The following OR2L13 variants were observed in gnomAD, a reference collection of about 807,000 sequenced individuals.
OR2L13 encodes olfactory receptor family 2 subfamily L member 13, also known as olfactory receptor 2L13.
Under a neutral mutation model 15.3 loss-of-function variants are expected in OR2L13, and 14 were observed. The ratio of observed to expected loss-of-function variants is 0.91; its 90% CI spans 0.60 to 1.43. OR2L13 has a LOEUF of 1.43. OR2L13 is among the 40% of genes most tolerant of loss of function. OR2L13 has a pLI of 0.00. For synonymous variants in OR2L13, 152 were observed against 142.9 expected (o/e 1.06, Z -0.45); for missense variants, 367 against 387.9 (o/e 0.95, Z 0.45).
At chr1:248,022,762 T>A in the OR2L13 span, 13 of 1,613,926 alleles carry the variant, frequency 8.1e-6, no homozygotes, top group Non-Finnish European at 1.1e-5. Flanking sequence ...GAGGACAAGG[T>A]TCTGGCTGTT....
chr1:248,014,923 A>C, the OR2L13 span, among the ~76,000 whole-genome samples: 1 of 152,206 alleles, frequency 6.6e-6, no homozygotes, highest in African/African-American at 2.4e-5. Context: ...AGTGAAGCAG[A>C]CTAAGCACAT....
chr1:247,975,286 G>A, the OR2L13 span: 411,014 of 453,394 alleles, frequency 0.91, 189,029 homozygotes, highest in South Asian at 0.98. Context: ...TCTGGCCTTC[G>A]TGGACACCTG....
chr1:247,991,210 T>C, the OR2L13 span: 6 of 1,550,502 alleles, frequency 3.9e-6, 1 homozygote, highest in African/African-American at 8.3e-5. Flanking sequence ...AATATAGACA[T>C]ACGTTCTGCC....
the OR2L13 span, among the ~76,000 whole-genome samples, chr1:247,956,188 T>G: frequency 0.79 from 117,019 of 147,584 alleles, 50,471 homozygotes; most frequent in South Asian, 0.95. Flanking sequence ...CAGCACCATT[T>G]ATTAAATAGG....
the OR2L13 span, chr1:248,038,420 C>T: frequency 1.2e-6 from 2 of 1,613,730 alleles, no homozygotes; most frequent in Non-Finnish European, 8.5e-7. Context: ...TCTTTTTGGA[C>T]ATCCATCTCC....
At chr1:247,967,045 C>CCACACACACACACACACACACACACACA in the OR2L13 span, among the ~76,000 whole-genome samples, 1,753 of 147,470 alleles carry the variant, frequency 0.012, 20 homozygotes, top group Middle Eastern at 0.052. Flanking sequence ...ACACCACACA[C>CCACACACACACACACACACACACACACA]CACACACACA....
chr1:248,088,565 G>T, the OR2L13 span, among the ~76,000 whole-genome samples: 1 of 152,082 alleles, frequency 6.6e-6, no homozygotes, highest in Non-Finnish European at 1.5e-5. Context: ...CATGTTCATT[G>T]ATGTCATTAT....
chr1:248,045,328 A>G, the OR2L13 span, among the ~76,000 whole-genome samples: 1 of 152,180 alleles, frequency 6.6e-6, no homozygotes, highest in African/African-American at 2.4e-5. Flanking sequence ...TACTGTAGAT[A>G]TGTGAAATAG....
chr1:248,099,304 G>T (rs1357572197), intron 2 of OR2L13, 54 bp from the exon 3 acceptor site: 7 of 1,019,992 alleles, frequency 6.9e-6, no homozygotes, highest in Admixed American at 6.6e-5. Context: ...TTTTTCTATT[G>T]TGTTTTATTT....
At chr1:248,011,991 A>G in the OR2L13 span, among the ~76,000 whole-genome samples, 11 of 152,290 alleles carry the variant, frequency 7.2e-5, no homozygotes, top group African/African-American at 2.2e-4. Context: ...TTTAATATCT[A>G]TGTGATTTAA....
At chr1:247,986,894 T>C in the OR2L13 span, among the ~76,000 whole-genome samples, 120 of 152,294 alleles carry the variant, frequency 7.9e-4, 1 homozygote, top group South Asian at 2.5e-3. Flanking sequence ...TTGGATATTA[T>C]TGACATCTTA....
At chr1:248,075,366 C>A in the OR2L13 span, among the ~76,000 whole-genome samples, 1 of 152,084 alleles carries the variant, frequency 6.6e-6, no homozygotes, top group Non-Finnish European at 1.5e-5. Flanking sequence ...GGGTATATAC[C>A]CAGTAATGGG....
the OR2L13 span, among the ~76,000 whole-genome samples, chr1:247,944,148 A>G: frequency 6.6e-6 from 1 of 152,116 alleles, no homozygotes; most frequent in Non-Finnish European, 1.5e-5. Context: ...AAAAAAAGTC[A>G]AGATTTTTTG....
chr1:248,069,259 G>A, the OR2L13 span, among the ~76,000 whole-genome samples: 1 of 152,242 alleles, frequency 6.6e-6, no homozygotes, highest in Non-Finnish European at 1.5e-5. Flanking sequence ...AAGCCCATCA[G>A]CCTAACAGTG....
chr1:247,975,782 T>A, the OR2L13 span: 24 of 380,076 alleles, frequency 6.3e-5, no homozygotes, highest in Middle Eastern at 6.8e-4. Flanking sequence ...GAAAATTTTT[T>A]AAAATTGAGT....
chr1:247,987,260 G>A, the OR2L13 span, among the ~76,000 whole-genome samples: 5 of 152,164 alleles, frequency 3.3e-5, no homozygotes, highest in Non-Finnish European at 7.4e-5. Context: ...ATTTGTAACA[G>A]TTTTTAGTGT....
chr1:247,993,621 T>C, the OR2L13 span, among the ~76,000 whole-genome samples: 1 of 152,106 alleles, frequency 6.6e-6, no homozygotes, highest in African/African-American at 2.4e-5. Flanking sequence ...GTAAAAAGTT[T>C]GTTGTATGCA....
the OR2L13 span, among the ~76,000 whole-genome samples, chr1:247,970,556 T>C: frequency 6.6e-6 from 1 of 152,292 alleles, no homozygotes; most frequent in African/African-American, 2.4e-5. Context: ...TATTCAATAG[T>C]ACCAAGGGAC....
the OR2L13 span, among the ~76,000 whole-genome samples, chr1:247,988,484 C>T: frequency 2.6e-5 from 4 of 151,984 alleles, no homozygotes; most frequent in East Asian, 7.7e-4. Flanking sequence ...TTTAAAAAAT[C>T]ATTCTTTTTG....
Sources: gnomAD v4.1 joint callset for allele counts (sites outside exome capture counted in the v4.1 genomes callset) on GRCh38, gnomAD v4.1.1 for gene constraint, MANE v1.5 for transcripts, NCBI Gene and HGNC (gene_info 2026-07-23, HGNC 2026-07-21) for gene names.